Variants in GRM4 observed in about 807,000 individuals in gnomAD.
GRM4 encodes the protein metabotropic glutamate receptor 4.
A neutral mutation model predicts 81.7 loss-of-function variants in GRM4; 28 were observed. That is an observed-to-expected ratio of 0.34 (90% CI 0.25 to 0.47). GRM4 has a LOEUF of 0.47. GRM4 is among the 20% of genes least tolerant of loss of function. The pLI is 1.00. For synonymous variants in GRM4, 488 were observed against 528.8 expected, an observed-to-expected ratio of 0.92 and a Z score of 1.06; for missense variants, 948 against 1,290.0, an observed-to-expected ratio of 0.73 and a Z score of 4.06.
intron 6 of GRM4, 154 bp downstream of exon 6, chr6:34,056,390 C>A: frequency 1.5e-6 from 1 of 660,898 alleles, no homozygotes; most frequent in Non-Finnish European, 2.6e-6. Flanking sequence ...CGCCCCAGGC[C>A]TCCCAACTCC....
intron 8 of GRM4, among the ~76,000 whole-genome samples, chr6:34,037,617 C>T: frequency 6.6e-6 from 1 of 152,062 alleles, no homozygotes; most frequent in Non-Finnish European, 1.5e-5. Flanking sequence ...GTAATCCCAG[C>T]ACTTTGGGAG....
At position 34,107,778 on chromosome 6, in the gene GRM4, C is replaced by T. The variant is rs185101222; in HGVS notation, c.520-15679G>A. On this transcript the variant is annotated intron_variant, in intron 2 of 10. Coordinates refer to ENST00000538487, the MANE Select transcript of GRM4 (RefSeq NM_000841.4). ...GGGCAGGATGAGCCCTGGATACCCACGGGAGGCCACTGCAATGGTCCAGGT... is the reference window on the plus strand; with the variant it reads ...GGGCAGGATGAGCCCTGGATACCCATGGGAGGCCACTGCAATGGTCCAGGT... 3.3e-5 allele frequency among the ~76,000 whole-genome samples: 5 copies of T among 152,264 alleles called. No homozygotes were observed. In the East Asian group the frequency reaches 7.7e-4, roughly 24 times the overall value.
At chr6:34,103,735 C>A in intron 2 of GRM4, 1 of 1,501,906 alleles carries the variant, frequency 6.7e-7, no homozygotes. Context: ...AAGTCCAACT[C>A]CCATAGGTGA....
At position 34,133,093 on chromosome 6, in the gene GRM4, C is replaced by T. The variant is rs749503972; in HGVS notation, c.404G>A (p.Arg135His). Residue 135 changes from arginine (R) to histidine (H), a missense_variant, in exon 2 of 11, where the codon CGC becomes CAC. Transcript: ENST00000538487. This position sits in a 1 kb window ranked among gnomAD's most constrained non-coding sequence, Gnocchi z 6.5. ...GATGGGTGGGCCGCCACTGCCACAG[C>T]GGACCTCTGTGCCATCCTTCTCGAT... ...ALIEKDGTEV[R>H]CGSGGPPIIT... The T allele has an allele frequency of 2.2e-5, 35 of 1,613,754 alleles. No homozygotes were observed. Among genetic ancestry groups the T allele is most frequent in the South Asian group, 5.5e-5 (5 of 91,064 alleles).
chr6:34,032,758 G>A (rs1351773775), intron 9 of GRM4, among the ~76,000 whole-genome samples: 3 of 152,162 alleles, frequency 2.0e-5, no homozygotes, highest in Non-Finnish European at 4.4e-5. Context: ...AGATTGAAAG[G>A]GTAGGGAGGC....
chr6:34,103,960 G>A lies in GRM4; in HGVS notation c.520-11861C>T, dbSNP rs192203152. On this transcript the variant is annotated intron_variant, in intron 2 of 10. Coordinates refer to ENST00000538487, the MANE Select transcript of GRM4 (RefSeq NM_000841.4). ...CACCTCTCTCACACACAGGAGGTGC[G>A]ACAGGGGCTCATGCACAGCCTCCCT... 332 of 741,612 alleles carry A rather than the reference G, an allele frequency of 4.5e-4. 1 individual carries two copies. Among genetic ancestry groups the A allele is most frequent in the African/African-American group, 4.4e-3 (238 of 54,086 alleles). 45.9% of individuals were successfully genotyped at this position (741,612 alleles called of 1,614,324 possible). A position where few individuals can be genotyped will look rare whatever the true frequency, so the allele number is the denominator to read the frequency against.
chr6:34,074,625 C>T lies in GRM4; in HGVS notation c.737-12597G>A, dbSNP rs771950349. 1.3e-5 allele frequency among the ~76,000 whole-genome samples: 2 copies of T among 152,166 alleles called. No homozygotes were observed. The highest frequency in any genetic ancestry group is 1.5e-5 in the Non-Finnish European group (1 of 68,032). On this transcript the variant is annotated intron_variant, in intron 3 of 10. Transcript: ENST00000538487. The surrounding 1 kb of genome is among the most constrained non-coding windows in gnomAD (Gnocchi z 4.9). ...GCCAGGAGAGGAGGCCGCTGGGCAG[C>T]GCAAGCAGTGTGGCTCACAGCTGCA...
At chr6:34,146,219 G>T, upstream of GRM4, 1 of 861,438 alleles carries the variant, frequency 1.2e-6, no homozygotes, top group Non-Finnish European at 1.4e-6. Flanking sequence ...CCTGATTCAA[G>T]TATATAACAA....
intron 3 of GRM4, among the ~76,000 whole-genome samples, chr6:34,087,078 T>C (rs1581677142): frequency 1.3e-5 from 2 of 150,770 alleles, no homozygotes; most frequent in African/African-American, 4.9e-5. Context: ...TGAGCTGTGA[T>C]TGTACTACTG....
At chr6:34,108,567 G>A (rs569977507) in intron 2 of GRM4, among the ~76,000 whole-genome samples, 128 of 152,274 alleles carry the variant, frequency 8.4e-4, no homozygotes, top group African/African-American at 3.0e-3. Flanking sequence ...TGGCTCTGTC[G>A]TGGCTGCCTC....
rs548879425 is a variant in GRM4, at chr6:34,086,705, G to C, written c.736+5178C>G. Among the ~76,000 whole-genome samples, 76 of 152,324 alleles carry C rather than the reference G, an allele frequency of 5.0e-4. 1 individual carries two copies. Among genetic ancestry groups the C allele is most frequent in the African/African-American group, 1.8e-3 (74 of 41,578 alleles). ...AGAGTATCTGCAGGATTCAAATCCT[G>C]CCCCTGCCACTTCCTAGCTGTGTGG... On this transcript the variant is annotated intron_variant, in intron 3 of 10. Transcript: ENST00000538487.
intron 6 of GRM4, among the ~76,000 whole-genome samples, chr6:34,049,340 C>T (rs1207171652): frequency 6.6e-6 from 1 of 152,104 alleles, no homozygotes; most frequent in East Asian, 1.9e-4. Context: ...TCTTTATCGC[C>T]GCCGGGACAC....
chr6:34,057,483 C>T (rs958372431), intron 5 of GRM4, among the ~76,000 whole-genome samples: 4 of 152,212 alleles, frequency 2.6e-5, no homozygotes, highest in African/African-American at 9.6e-5. Context: ...TTCTCAGCCT[C>T]GGCACTGTGG....
At chr6:34,033,117 C>T (rs1764515637) in intron 9 of GRM4, among the ~76,000 whole-genome samples, 1 of 152,194 alleles carries the variant, frequency 6.6e-6, no homozygotes, top group South Asian at 2.1e-4. Context: ...CACAGCAGGC[C>T]TGGTGGAGGC....
At chr6:34,142,348 T>C (rs1770726974) in intron 1 of GRM4, among the ~76,000 whole-genome samples, 1 of 151,994 alleles carries the variant, frequency 6.6e-6, no homozygotes, top group South Asian at 2.1e-4. Context: ...AGGCTGCCAG[T>C]GCGTCCTGCC....
Position 34,036,187 on chromosome 6 carries a change from G to T in GRM4, c.1923C>A (p.Phe641Leu). ...AGIFLCYATT[F>L]LMIAEPDLGT... ...CAAGGTCGGGCTCAGCGATCATGAGGAAGGTGGTGGCATAGCACAGGAAGA... is the reference window on the plus strand; with the variant it reads ...CAAGGTCGGGCTCAGCGATCATGAGTAAGGTGGTGGCATAGCACAGGAAGA... Residue 641 changes from phenylalanine to leucine, a missense_variant, in exon 9 of 11, where the codon TTC (phenylalanine) becomes TTA (leucine). Phe to Leu is a conservative substitution (Grantham distance 22). Coordinates refer to ENST00000538487, the MANE Select transcript of GRM4 (RefSeq NM_000841.4). The surrounding 1 kb of genome is among the most constrained non-coding windows in gnomAD (Gnocchi z 9.0). 1 of 1,614,248 alleles carries T rather than the reference G, an allele frequency of 6.2e-7. No individual in the cohort carries two copies. Among genetic ancestry groups the T allele is most frequent in the Non-Finnish European group, 8.5e-7 (1 of 1,180,040 alleles).
intron 6 of GRM4, among the ~76,000 whole-genome samples, chr6:34,053,154 C>G (rs1765693926): frequency 6.6e-6 from 1 of 152,268 alleles, no homozygotes; most frequent in Admixed American, 6.5e-5. Context: ...TAGCTGTTGC[C>G]TTCCCTGATC....
intron 2 of GRM4, among the ~76,000 whole-genome samples, chr6:34,098,524 A>T (rs1284092396): frequency 1.3e-5 from 2 of 152,188 alleles, no homozygotes; most frequent in African/African-American, 4.8e-5. Flanking sequence ...ACCCAGGCAG[A>T]CTTTAAGATC....
At position 34,133,093 on chromosome 6, in the gene GRM4, C is replaced by A. The variant is rs749503972; in HGVS notation, c.404G>T (p.Arg135Leu). 1.2e-6 allele frequency: 2 copies of A among 1,613,872 alleles called. No individual in the cohort carries two copies. The highest frequency in any genetic ancestry group is 2.2e-5 in the East Asian group (1 of 44,860). Reference protein sequence around the residue: ...ALIEKDGTEVRCGSGGPPIIT... With the variant: ...ALIEKDGTEVLCGSGGPPIIT... ...GATGGGTGGGCCGCCACTGCCACAG[C>A]GGACCTCTGTGCCATCCTTCTCGAT... The change falls in exon 2 of 11, where the codon CGC becomes CTC. Residue 135 changes from arginine to leucine, a missense_variant. By Grantham distance (102) the Arg-to-Leu change is moderately radical. Transcript: ENST00000538487. This position sits in a 1 kb window ranked among gnomAD's most constrained non-coding sequence, Gnocchi z 6.5.
Sources: gnomAD v4.1 joint callset for allele counts (sites outside exome capture counted in the v4.1 genomes callset) on GRCh38, gnomAD v4.1.1 for gene constraint, Gnocchi (gnomAD v3.1) non-coding constraint, MANE v1.5 for transcripts, NCBI Gene and HGNC (gene_info 2026-07-23, HGNC 2026-07-21) for gene names.